Variants in EGFR observed in about 807,000 individuals in gnomAD.
EGFR encodes avian erythroblastic leukemia viral (v-erb-b) oncogene homolog.
EGFR carries 58 observed loss-of-function variants against 143.0 expected under a neutral mutation model. The ratio of observed to expected loss-of-function variants is 0.41; its 90% CI spans 0.33 to 0.50. EGFR has a LOEUF of 0.50. EGFR is among the 20% of genes least tolerant of loss of function. The pLI is 0.39. For missense variants in EGFR, 1,307 were observed against 1,579.0 expected, an observed-to-expected ratio of 0.83 and a Z score of 2.92; for synonymous variants, 613 against 594.4, an observed-to-expected ratio of 1.03 and a Z score of -0.45.
At chr7:55,138,104 A>G (rs1319375524) in intron 1 of EGFR, among the ~76,000 whole-genome samples, 1 of 152,242 alleles carries the variant, frequency 6.6e-6, no homozygotes, top group Non-Finnish European at 1.5e-5. Context: ...TATCTGACAG[A>G]CAGAAAAATA....
intron 1 of EGFR, among the ~76,000 whole-genome samples, chr7:55,092,277 C>T (rs1485375450): frequency 3.9e-5 from 6 of 152,206 alleles, no homozygotes; most frequent in Admixed American, 3.3e-4. Flanking sequence ...CTGAGTCCTA[C>T]AATGTATTTG....
At chr7:55,104,147 G>T (rs554768600) in intron 1 of EGFR, among the ~76,000 whole-genome samples, 1 of 152,334 alleles carries the variant, frequency 6.6e-6, no homozygotes, top group South Asian at 2.1e-4. Context: ...TAAAGGAGCA[G>T]CTTCTCGAAT....
chr7:55,160,875 C>T (rs576876900), intron 12 of EGFR, among the ~76,000 whole-genome samples: 1 of 152,242 alleles, frequency 6.6e-6, no homozygotes, highest in African/African-American at 2.4e-5. Context: ...CTTTGGCTTC[C>T]TCATCCATAG....
chr7:55,173,916 C>G lies in EGFR; in HGVS notation c.2062-5C>G, dbSNP rs1452602910. The G allele has an allele frequency of 1.9e-6, 3 of 1,614,258 alleles. No homozygotes were observed. Among genetic ancestry groups the G allele is most frequent in the African/African-American group, 2.7e-5 (2 of 75,072 alleles). ...CCCTTGTCTCTGTGTTCTTGTCCCC[C>G]CCAGCTTGTGGAGCCTCTTACACCC... On this transcript the variant is annotated splice_region_variant and splice_polypyrimidine_tract_variant and intron_variant, in intron 17 of 27. Transcript: ENST00000275493.
intron 1 of EGFR, among the ~76,000 whole-genome samples, chr7:55,056,275 C>T (rs11773818): frequency 0.25 from 38,142 of 152,134 alleles, 6,501 homozygotes; most frequent in East Asian, 0.85. Context: ...GCATCTGGAA[C>T]ATGAAAGAAC....
chr7:55,166,222 A>C, intron 15 of EGFR: 1 of 538,366 alleles, frequency 1.9e-6, no homozygotes. Flanking sequence ...TGTGTATCTT[A>C]TTTACTGGAA....
chr7:55,139,032 T>C (rs1464871466), intron 1 of EGFR, among the ~76,000 whole-genome samples: 1 of 152,224 alleles, frequency 6.6e-6, no homozygotes, highest in Non-Finnish European at 1.5e-5. Context: ...ATCCATTCCT[T>C]AGGGCACAGC....
intron 14 of EGFR, 84 bp from the exon 15 acceptor site, chr7:55,165,196 A>G: frequency 6.3e-7 from 1 of 1,599,940 alleles, no homozygotes; most frequent in Non-Finnish European, 8.5e-7. Context: ...CACACACACT[A>G]AATATTTTAA....
chr7:55,185,053 A>G (rs1289838058), intron 20 of EGFR, among the ~76,000 whole-genome samples: 1 of 152,168 alleles, frequency 6.6e-6, no homozygotes, highest in Non-Finnish European at 1.5e-5. Context: ...GTTTTCTTCT[A>G]AATGTTGATG....
intron 1 of EGFR, among the ~76,000 whole-genome samples, chr7:55,050,367 G>A (rs1331543802): frequency 2.0e-5 from 3 of 152,130 alleles, no homozygotes; most frequent in Non-Finnish European, 4.4e-5. Flanking sequence ...TGACTGGCTT[G>A]TTTCACTTTC....
chr7:55,085,233 C>T (rs796837091), intron 1 of EGFR, among the ~76,000 whole-genome samples: 6 of 152,350 alleles, frequency 3.9e-5, no homozygotes, highest in African/African-American at 1.4e-4. Flanking sequence ...CCAGCAGACA[C>T]ATTGTCAGTG....
Position 55,211,074 on chromosome 7 carries a change from G to A in EGFR, c.*5457G>A, listed in dbSNP as rs149438656. On this transcript the variant is annotated 3_prime_UTR_variant, in exon 28 of 28. Transcript: ENST00000275493. ...AGCAGGCAGTGTGTTTTCCTTCCAT[G>A]TCTCTCTGCACTACCTGCAGTGTGT... 1 of 152,262 alleles carries A rather than the reference G, an allele frequency of 6.6e-6. No homozygotes were observed. The highest frequency in any genetic ancestry group is 2.4e-5 in the African/African-American group (1 of 41,556). 9.4% of individuals were successfully genotyped at this position (152,262 alleles called of 1,614,324 possible). A position where few individuals can be genotyped will look rare whatever the true frequency, so the allele number is the denominator to read the frequency against.
chr7:55,023,632 C>A (rs1011310976), intron 1 of EGFR, among the ~76,000 whole-genome samples: 1 of 120,724 alleles, frequency 8.3e-6, no homozygotes. Context: ...GCCCGCGCGA[C>A]AGTGTGAGAC....
At chr7:55,050,516 C>T (rs1788428129) in intron 1 of EGFR, among the ~76,000 whole-genome samples, 1 of 152,222 alleles carries the variant, frequency 6.6e-6, no homozygotes, top group Non-Finnish European at 1.5e-5. Context: ...TGGGTTGCTT[C>T]TGCTTTTTAG....
At chr7:55,152,337 A>T (rs930797191) in intron 5 of EGFR, 4 of 752,058 alleles carry the variant, frequency 5.3e-6, no homozygotes, top group Non-Finnish European at 9.8e-6. Flanking sequence ...ACTTGATCTC[A>T]TGAGTTCTCT....
intron 1 of EGFR, among the ~76,000 whole-genome samples, chr7:55,048,854 C>G (rs1368134724): frequency 6.6e-6 from 1 of 152,130 alleles, no homozygotes; most frequent in Admixed American, 6.5e-5. Flanking sequence ...AAGTTTTCTT[C>G]TTTTGAATGA....
intron 1 of EGFR, among the ~76,000 whole-genome samples, chr7:55,062,525 T>C (rs1324505459): frequency 6.6e-6 from 1 of 152,214 alleles, no homozygotes; most frequent in Non-Finnish European, 1.5e-5. Flanking sequence ...ATGTTTTCTC[T>C]TTCATTGCTG....
chr7:55,181,687 C>T (rs2128959257), intron 20 of EGFR: 1 of 636,194 alleles, frequency 1.6e-6, no homozygotes, highest in Admixed American at 2.6e-5. Context: ...AAACTCTCAT[C>T]AATCAGCTAC....
intron 3 of EGFR, among the ~76,000 whole-genome samples, chr7:55,145,686 A>G (rs533441254): frequency 7.9e-5 from 12 of 152,314 alleles, no homozygotes; most frequent in African/African-American, 2.6e-4. Flanking sequence ...ATCAGAGGTC[A>G]ATTTTTTCTC....
Sources: gnomAD v4.1 joint callset for allele counts (sites outside exome capture counted in the v4.1 genomes callset) on GRCh38, gnomAD v4.1.1 for gene constraint, MANE v1.5 for transcripts, NCBI Gene and HGNC (gene_info 2026-07-23, HGNC 2026-07-21) for gene names.